The following SLC44A5 variants were observed in gnomAD, a reference collection of about 807,000 sequenced individuals.
SLC44A5 encodes the protein solute carrier family 44 member 5, also known as choline transporter-like protein 5.
SLC44A5 carries 57 observed loss-of-function variants against 101.8 expected under a neutral mutation model. The ratio of observed to expected loss-of-function variants is 0.56; its 90% confidence interval spans 0.45 to 0.70. The LOEUF (loss-of-function observed/expected upper bound fraction) is 0.70. Among genes scored for constraint, SLC44A5 ranks in the 30% least tolerant of loss-of-function variants. The pLI is 0.00. For synonymous variants in SLC44A5, 281 were observed against 290.9 expected, an observed-to-expected ratio of 0.97 and a Z score of 0.35; for missense variants, 737 against 853.1, an observed-to-expected ratio of 0.86 and a Z score of 1.70.
the SLC44A5 span, among the ~76,000 whole-genome samples, chr1:75,714,269 A>G: frequency 6.6e-6 from 1 of 152,212 alleles, no homozygotes; most frequent in African/African-American, 2.4e-5. Flanking sequence ...AAACAGAACT[A>G]AAGATAAAAA....
rs781407648 is a variant in SLC44A5, at chr1:75,211,508, G to A, written c.2007C>T (p.Ser669=). The A allele has an allele frequency of 9.9e-6, 16 of 1,612,534 alleles. No homozygotes were observed. The highest frequency in any genetic ancestry group is 5.3e-5 in the African/African-American group (4 of 74,838). ...TTGTTTCAACACACATTGCATAGAC[G>A]CTGAAGAACCCATGTGCAATCAGGT... The part of the protein sequence containing the change: ...GSYLIAHGFF[S]VYAMCVETIF... The change falls in exon 23 of 24, where the codon AGC becomes AGT. Residue 669 remains serine, a synonymous_variant. Coordinates refer to ENST00000370859, the MANE Select transcript of SLC44A5 (RefSeq NM_001130058.2).
At chr1:75,466,529 G>A (rs1666827394) in intron 2 of SLC44A5, among the ~76,000 whole-genome samples, 2 of 151,930 alleles carry the variant, frequency 1.3e-5, no homozygotes, top group African/African-American at 4.8e-5. Context: ...GGTGGCAGGT[G>A]CCTGTAATCC....
intron 2 of SLC44A5, among the ~76,000 whole-genome samples, chr1:75,403,104 C>T (rs1570155858): frequency 1.3e-5 from 2 of 152,272 alleles, no homozygotes; most frequent in South Asian, 2.1e-4. Flanking sequence ...GTGGAGCCCA[C>T]CACAGCACTG....
At chr1:75,593,336 C>A (rs1290708818) in intron 1 of SLC44A5, among the ~76,000 whole-genome samples, 1 of 152,016 alleles carries the variant, frequency 6.6e-6, no homozygotes, top group African/African-American at 2.4e-5. Context: ...CAGGCAATAA[C>A]AAATGTTGGC....
the SLC44A5 span, among the ~76,000 whole-genome samples, chr1:75,673,282 G>C: frequency 6.6e-6 from 1 of 151,694 alleles, no homozygotes; most frequent in Non-Finnish European, 1.5e-5. Flanking sequence ...CAGTAGCTAG[G>C]CTGTACTTGC....
At chr1:75,561,000 T>TA (rs1672488799) in intron 1 of SLC44A5, among the ~76,000 whole-genome samples, 1 of 152,160 alleles carries the variant, frequency 6.6e-6, no homozygotes, top group South Asian at 2.1e-4. Context: ...TACCTCTGAT[T>TA]AAAACTACTT....
At chr1:75,683,647 C>A in the SLC44A5 span, among the ~76,000 whole-genome samples, 21 of 152,202 alleles carry the variant, frequency 1.4e-4, no homozygotes, top group East Asian at 3.9e-3. Context: ...GGGAGATATA[C>A]CTAATGCTAG....
chr1:75,327,818 A>G (rs1656714074), intron 4 of SLC44A5, among the ~76,000 whole-genome samples: 1 of 152,244 alleles, frequency 6.6e-6, no homozygotes, highest in Admixed American at 6.5e-5. Context: ...TAGTCATTAC[A>G]TTAAGAAAGG....
intron 4 of SLC44A5, chr1:75,311,690 G>T: frequency 3.3e-6 from 1 of 304,064 alleles, no homozygotes; most frequent in South Asian, 1.3e-4. Context: ...TTCTCTCACG[G>T]AGTTCCCAGT....
At chr1:75,371,113 C>T (rs1014637677) in intron 3 of SLC44A5, among the ~76,000 whole-genome samples, 10 of 152,184 alleles carry the variant, frequency 6.6e-5, no homozygotes, top group Non-Finnish European at 1.3e-4. Flanking sequence ...ATACTTCAAA[C>T]TTCATGCTCC....
At chr1:75,482,582 A>G (rs990238636) in intron 2 of SLC44A5, among the ~76,000 whole-genome samples, 1 of 152,126 alleles carries the variant, frequency 6.6e-6, no homozygotes, top group Non-Finnish European at 1.5e-5. Flanking sequence ...TCCTTGTCTG[A>G]AAAATAGAAG....
intron 1 of SLC44A5, among the ~76,000 whole-genome samples, chr1:75,546,824 T>C (rs1671676901): frequency 6.6e-6 from 1 of 152,038 alleles, no homozygotes; most frequent in Non-Finnish European, 1.5e-5. Flanking sequence ...GTGTGTATTA[T>C]GAAAAAAAGA....
chr1:75,289,472 G>T (rs1226252101), intron 5 of SLC44A5, among the ~76,000 whole-genome samples: 1 of 152,162 alleles, frequency 6.6e-6, no homozygotes. Flanking sequence ...GGTCCATCAA[G>T]CCTAGAGGTG....
chr1:75,376,510 C>T (rs1248765353), intron 3 of SLC44A5, among the ~76,000 whole-genome samples: 2 of 152,226 alleles, frequency 1.3e-5, no homozygotes, highest in Non-Finnish European at 2.9e-5. Context: ...AGACTGCCTC[C>T]TCAAGAGGGT....
intron 3 of SLC44A5, among the ~76,000 whole-genome samples, chr1:75,372,903 T>TA (rs1364505813): frequency 6.6e-6 from 1 of 152,120 alleles, no homozygotes; most frequent in Admixed American, 6.5e-5. Context: ...CCAATGAAGT[T>TA]TAGTAGAATA....
chr1:75,338,891 C>CA (rs771503569), intron 4 of SLC44A5, among the ~76,000 whole-genome samples: 6 of 152,152 alleles, frequency 3.9e-5, no homozygotes, highest in Non-Finnish European at 8.8e-5. Context: ...AAGCAAAAAA[C>CA]AGCCACCAAC....
chr1:75,208,106 A>C (rs1570353515), intron 23 of SLC44A5, among the ~76,000 whole-genome samples: 1 of 152,298 alleles, frequency 6.6e-6, no homozygotes, highest in South Asian at 2.1e-4. Flanking sequence ...CGAGTTAATA[A>C]GAAATAAACT....
intron 2 of SLC44A5, among the ~76,000 whole-genome samples, chr1:75,520,505 G>A (rs1309380355): frequency 6.6e-6 from 1 of 152,130 alleles, no homozygotes; most frequent in Non-Finnish European, 1.5e-5. Flanking sequence ...GGCATGAACA[G>A]AAGGATGGAC....
At position 75,400,185 on chromosome 1, in the gene SLC44A5, A is replaced by G. The variant is rs193122781; in HGVS notation, c.14-3564T>C. On this transcript the variant is annotated intron_variant, in intron 2 of 23. Transcript: ENST00000370859. Reference sequence around the variant, plus strand: ...CAATAGACATTCATGACTCTAAGAAAGGAGAGGAAAGGATGGGGATACAAG... The same window carrying G: ...CAATAGACATTCATGACTCTAAGAAGGGAGAGGAAAGGATGGGGATACAAG... Among the ~76,000 whole-genome samples the G allele has an allele frequency of 2.0e-5, 3 of 152,302 alleles. No individual in the cohort carries two copies. The East Asian group carries it at 5.8e-4, about 29-fold the overall frequency.
Sources: gnomAD v4.1 joint callset for allele counts (sites outside exome capture counted in the v4.1 genomes callset) on GRCh38, gnomAD v4.1.1 for gene constraint, MANE v1.5 for transcripts, NCBI Gene and HGNC (gene_info 2026-07-23, HGNC 2026-07-21) for gene names.